RFTN1: variants seen among roughly 807,000 people sequenced by gnomAD.
RFTN1 encodes the protein raftlin, lipid raft linker 1.
Under a neutral mutation model 46.5 loss-of-function variants are expected in RFTN1, and 26 were observed. That is an observed-to-expected ratio of 0.56 (90% CI 0.41 to 0.78). The LOEUF (loss-of-function observed/expected upper bound fraction) is 0.78. RFTN1 is among the 30% of genes least tolerant of loss of function. The probability of loss-of-function intolerance (pLI) is 0.00; values close to 1 mark genes in which losing one functional copy is unlikely to be tolerated. For synonymous variants in RFTN1, 261 were observed against 284.2 expected (o/e 0.92, Z 0.82); for missense variants, 693 against 718.7 (o/e 0.96, Z 0.41).
At chr3:16,355,256 A>G (rs866827424) in intron 7 of RFTN1, among the ~76,000 whole-genome samples, 6 of 152,208 alleles carry the variant, frequency 3.9e-5, no homozygotes, top group African/African-American at 9.7e-5. Context: ...TGTTATAGCA[A>G]CAACCCCACT....
rs373432106 is a variant in RFTN1 at position 16,425,479 on chromosome 3, CA to C, written c.332+8371del. 2.2e-3 allele frequency among the ~76,000 whole-genome samples: 285 copies of C among 130,752 alleles called. No individual in the cohort carries two copies. The highest frequency in any genetic ancestry group is 0.011 in the African/African-American group (277 of 24,884). 85.8% of individuals were successfully genotyped at this position (130,752 alleles called of 152,430 possible). ...CTCTCTCTCAGAAGAAACAAACAAA[CA>C]AAAAATAAATAAAATGTGAGGAAAG... is the stretch of plus-strand genomic sequence containing the variant. On this transcript the variant is annotated intron_variant, in intron 3 of 9. Coordinates refer to ENST00000334133, the MANE Select transcript of RFTN1 (RefSeq NM_015150.2). The surrounding 1 kb of genome is among the most constrained non-coding windows in gnomAD (Gnocchi z 4.3).
rs185491932 is a variant in RFTN1, at chr3:16,323,603, G to A, written c.1251-146C>T. The A allele has an allele frequency of 5.8e-5, 33 of 571,400 alleles. No individual in the cohort carries two copies. The East Asian group carries it at 6.8e-4, about 12-fold the overall frequency. The allele number at this position is 571,400 out of a possible 1,614,324, so 35.4% of individuals were successfully genotyped here. A position where few individuals can be genotyped will look rare whatever the true frequency, so the allele number is the denominator to read the frequency against. On this transcript the variant is annotated intron_variant, in intron 8 of 9. Transcript: ENST00000334133. The stretch of plus-strand genomic sequence containing the variant: ...GAAGAGACGCCTGCTCTACTCTTCC[G>A]CTCCCAGGCCATCCAACCTTGCTTC...
At position 16,380,080 on chromosome 3, in the gene RFTN1, C is replaced by G. The variant is rs1265147672; in HGVS notation, c.442-1978G>C. 3.3e-5 allele frequency among the ~76,000 whole-genome samples: 5 copies of G among 152,314 alleles called. No homozygotes were observed. The South Asian group carries it at 8.3e-4, about 25-fold the overall frequency. On this transcript the variant is annotated intron_variant, in intron 4 of 9. Transcript: ENST00000334133. The surrounding 1 kb of genome is among the most constrained non-coding windows in gnomAD (Gnocchi z 4.8). Reference sequence around the variant, plus strand: ...TTAATAACTGCTTCCATGGAGGGCTCAACCATAGGCCAGTCTCAACTAGAG... The same window carrying G: ...TTAATAACTGCTTCCATGGAGGGCTGAACCATAGGCCAGTCTCAACTAGAG...
At chr3:16,333,213 A>C (rs562144525) in intron 7 of RFTN1, among the ~76,000 whole-genome samples, 1 of 152,362 alleles carries the variant, frequency 6.6e-6, no homozygotes, top group South Asian at 2.1e-4. Flanking sequence ...AAAAAGCACA[A>C]AAATGTGAAA....
chr3:16,417,665 A>AG (rs958931461), intron 3 of RFTN1, among the ~76,000 whole-genome samples: 2 of 152,120 alleles, frequency 1.3e-5, no homozygotes, highest in African/African-American at 4.8e-5. Flanking sequence ...TTCTCCAGGC[A>AG]GGGGAAGGGT....
chr3:16,489,123 A>C lies in RFTN1; in HGVS notation c.145+4602T>G, dbSNP rs1417187581. ...ATTTATATAACATCCTGGGAAATAA[A>C]ATCAGTGATGGAGGCCGGGTGAGGT... On this transcript the variant is annotated intron_variant, in intron 2 of 9. Coordinates refer to ENST00000334133, the MANE Select transcript of RFTN1 (RefSeq NM_015150.2). The surrounding 1 kb of genome is among the most constrained non-coding windows in gnomAD (Gnocchi z 4.0). 2.6e-5 allele frequency among the ~76,000 whole-genome samples: 4 copies of C among 152,238 alleles called. No individual in the cohort carries two copies. The highest frequency in any genetic ancestry group is 5.9e-5 in the Non-Finnish European group (4 of 68,042).
chr3:16,332,048 T>C (rs1025546987), intron 7 of RFTN1, among the ~76,000 whole-genome samples: 2 of 152,172 alleles, frequency 1.3e-5, no homozygotes, highest in African/African-American at 2.4e-5. Flanking sequence ...ATTTTTTTTT[T>C]CTCCCCTAGA....
At chr3:16,503,841 AC>A (rs1406349070) in intron 1 of RFTN1, among the ~76,000 whole-genome samples, 1 of 152,130 alleles carries the variant, frequency 6.6e-6, no homozygotes, top group African/African-American at 2.4e-5. Context: ...ACCACTTCAA[AC>A]ATATGGAAAA....
intron 1 of RFTN1, among the ~76,000 whole-genome samples, chr3:16,508,835 A>G (rs1415370122): frequency 2.6e-5 from 1 of 39,194 alleles, no homozygotes; most frequent in East Asian, 1.1e-3. Flanking sequence ...CTGAAGGGTA[A>G]AAAAAAAACA....
rs1322164838 is a variant in RFTN1 at position 16,424,094 on chromosome 3, G to C, written c.332+9757C>G. 6.6e-6 allele frequency among the ~76,000 whole-genome samples: 1 copy of C among 152,124 alleles called. No homozygotes were observed. The highest frequency in any genetic ancestry group is 6.5e-5 in the Admixed American group (1 of 15,276). The stretch of plus-strand genomic sequence containing the variant: ...AGCTGGGGAATTAGCAAAGCTTCTG[G>C]TCCCACAGTGTAGCCATGGGGACTG... On this transcript the variant is annotated intron_variant, in intron 3 of 9. Coordinates refer to ENST00000334133, the MANE Select transcript of RFTN1 (RefSeq NM_015150.2). This position sits in a 1 kb window ranked among gnomAD's most constrained non-coding sequence, Gnocchi z 4.7.
At chr3:16,444,213 C>T (rs1179215394) in intron 2 of RFTN1, among the ~76,000 whole-genome samples, 1 of 152,162 alleles carries the variant, frequency 6.6e-6, no homozygotes, top group Non-Finnish European at 1.5e-5. Context: ...AGTATGATAG[C>T]TGGCATTCTT....
rs577667121 is a variant in RFTN1 at position 16,468,270 on chromosome 3, C to T, written c.145+25455G>A. Among the ~76,000 whole-genome samples the T allele has an allele frequency of 6.6e-6, 1 of 152,292 alleles. No individual in the cohort carries two copies. Among genetic ancestry groups the T allele is most frequent in the African/African-American group, 2.4e-5 (1 of 41,570 alleles). ...GCTTCTTATCTTTTTCATTTGGAAA[C>T]TTATCTGTAGGAGTTCCCAAACCCT... On this transcript the variant is annotated intron_variant, in intron 2 of 9. Transcript: ENST00000334133. This position sits in a 1 kb window ranked among gnomAD's most constrained non-coding sequence, Gnocchi z 4.4.
chr3:16,391,869 G>GT lies in RFTN1; in HGVS notation c.442-13768dup, dbSNP rs576052890. On this transcript the variant is annotated intron_variant, in intron 4 of 9. Transcript: ENST00000334133. ...ATTCTAGTGCAAAGGTTTTTTTTTTGTTTTTTTTTTTTGTTTTTTTTTTTG... is the reference window on the plus strand; with the variant it reads ...ATTCTAGTGCAAAGGTTTTTTTTTTGTTTTTTTTTTTTTGTTTTTTTTTTTG... Among the ~76,000 whole-genome samples the GT allele has an allele frequency of 3.4e-3, 198 of 57,758 alleles. 10 individuals carry two copies. Among genetic ancestry groups the GT allele is most frequent in the Non-Finnish European group, 5.6e-3 (114 of 20,540 alleles). 37.9% of individuals were successfully genotyped at this position (57,758 alleles called of 152,430 possible). A position where few individuals can be genotyped will look rare whatever the true frequency, so the allele number is the denominator to read the frequency against.
chr3:16,439,123 A>G (rs1238910635), intron 2 of RFTN1, among the ~76,000 whole-genome samples: 1 of 152,230 alleles, frequency 6.6e-6, no homozygotes, highest in East Asian at 1.9e-4. Flanking sequence ...AATAAAAATG[A>G]ATCTCAATGA....
chr3:16,462,093 T>A (rs1248859847), intron 2 of RFTN1, among the ~76,000 whole-genome samples: 1 of 152,182 alleles, frequency 6.6e-6, no homozygotes, highest in African/African-American at 2.4e-5. Flanking sequence ...GAAGCCCAAA[T>A]GCGTGGGTTC....
intron 8 of RFTN1, among the ~76,000 whole-genome samples, chr3:16,324,491 T>C (rs2125212349): frequency 6.6e-6 from 1 of 152,226 alleles, no homozygotes; most frequent in Non-Finnish European, 1.5e-5. Context: ...CTTCTATGAC[T>C]CAACTTTTTT....
At chr3:16,511,783 G>A (rs909872039) in intron 1 of RFTN1, among the ~76,000 whole-genome samples, 2 of 151,974 alleles carry the variant, frequency 1.3e-5, no homozygotes, top group South Asian at 4.2e-4. Flanking sequence ...TGCTCAAGAG[G>A]GAGAAAAAGA....
rs553324507 is a variant in RFTN1, at chr3:16,452,785, A to G, written c.146-18748T>C. Among the ~76,000 whole-genome samples, 6 of 152,314 alleles carry G rather than the reference A, an allele frequency of 3.9e-5. No homozygotes were observed. Among genetic ancestry groups the G allele is most frequent in the Admixed American group, 1.3e-4 (2 of 15,302 alleles). ...GGAGAAATGCAACCAAGTCAGGCCG[A>G]AGACAGTCAACTGTTATGTGACAAT... On this transcript the variant is annotated intron_variant, in intron 2 of 9. Coordinates refer to ENST00000334133, the MANE Select transcript of RFTN1 (RefSeq NM_015150.2). This position sits in a 1 kb window ranked among gnomAD's most constrained non-coding sequence, Gnocchi z 6.3.
intron 3 of RFTN1, among the ~76,000 whole-genome samples, chr3:16,420,272 G>T (rs948163669): frequency 5.3e-5 from 8 of 152,188 alleles, no homozygotes; most frequent in Non-Finnish European, 7.3e-5. Flanking sequence ...GGAGGGTCCT[G>T]CTTTCTCTGG....
Sources: gnomAD v4.1 joint callset for allele counts (sites outside exome capture counted in the v4.1 genomes callset) on GRCh38, gnomAD v4.1.1 for gene constraint, Gnocchi (gnomAD v3.1) non-coding constraint, MANE v1.5 for transcripts, NCBI Gene and HGNC (gene_info 2026-07-23, HGNC 2026-07-21) for gene names.